Variants in ARGFX observed in about 807,000 individuals in gnomAD.
ARGFX encodes arginine-fifty homeobox.
Under a neutral mutation model 8.0 loss-of-function variants are expected in ARGFX, and 10 were observed. The observed-to-expected ratio is 1.25, with a 90% CI of 0.77 to 2.12. The LOEUF (loss-of-function observed/expected upper bound fraction) is 2.12. Among genes scored for constraint, ARGFX ranks in the 30% most tolerant of loss-of-function variants. ARGFX has a pLI of 0.00. For missense variants in ARGFX, 282 were observed against 324.3 expected (o/e 0.87, Z 1.00); for synonymous variants, 116 against 117.8 (o/e 0.98, Z 0.10).
chr3:121,572,090 T>C (rs2048712211), intron 2 of ARGFX, among the ~76,000 whole-genome samples: 1 of 151,848 alleles, frequency 6.6e-6, no homozygotes, highest in Admixed American at 6.6e-5. Flanking sequence ...CCTTGGCCTC[T>C]CAAAGTACTG....
chr3:121,584,877 A>G (rs1265990298), intron 3 of ARGFX, 40 bp from the exon 4 acceptor site: 1 of 1,585,560 alleles, frequency 6.3e-7, no homozygotes, highest in Non-Finnish European at 8.6e-7. Context: ...GAGATTGGTA[A>G]TGTAAATGTA....
rs748484565 is a variant in ARGFX at position 121,578,956 on chromosome 3, C to T, written c.220+2056C>T. The stretch of plus-strand genomic sequence containing the variant: ...CCTCCCAAAGTGCTGGAATTAAAGG[C>T]GTGAGCCACCGTGCCCGGCCTGAAA... On this transcript the variant is annotated intron_variant, in intron 3 of 4. Coordinates refer to ENST00000334384, the MANE Select transcript of ARGFX (RefSeq NM_001012659.2). 5.3e-5 allele frequency among the ~76,000 whole-genome samples: 8 copies of T among 152,012 alleles called. No homozygotes were observed. In the South Asian group the frequency reaches 8.3e-4, roughly 16 times the overall value.
At chr3:121,584,074 G>A (rs2048795922) in intron 3 of ARGFX, among the ~76,000 whole-genome samples, 1 of 152,064 alleles carries the variant, frequency 6.6e-6, no homozygotes, top group Non-Finnish European at 1.5e-5. Flanking sequence ...AGCTACTCAG[G>A]AGGATGAAGC....
intron 2 of ARGFX, among the ~76,000 whole-genome samples, chr3:121,571,556 T>A (rs922443620): frequency 1.1e-4 from 16 of 149,300 alleles, no homozygotes; most frequent in African/African-American, 3.9e-4. Flanking sequence ...AGGCTTAATA[T>A]TATTATTATT....
intron 3 of ARGFX, among the ~76,000 whole-genome samples, chr3:121,579,796 C>T (rs2048765939): frequency 6.6e-6 from 1 of 152,068 alleles, no homozygotes; most frequent in Admixed American, 6.6e-5. Flanking sequence ...AGGTGTTAGA[C>T]ACCAGCCTGG....
In ARGFX at chr3:121,590,424, G is replaced by A. The variant is rs925038041; in HGVS notation, c.*3824G>A. 3.3e-5 allele frequency among the ~76,000 whole-genome samples: 5 copies of A among 152,134 alleles called. No homozygotes were observed. The highest frequency in any genetic ancestry group is 9.6e-5 in the African/African-American group (4 of 41,524). On this transcript the variant is annotated 3_prime_UTR_variant, in exon 5 of 5. Transcript: ENST00000334384. ...GGGTTCCTGATAAAAGGATGAGTTC[G>A]GCCTTCTTCTTCCCCAAAATCTTTA...
intron 3 of ARGFX, among the ~76,000 whole-genome samples, chr3:121,579,288 G>A (rs2048763212): frequency 6.6e-6 from 1 of 152,182 alleles, no homozygotes; most frequent in South Asian, 2.1e-4. Context: ...TGAAGTATTT[G>A]TAACACAAAG....
At chr3:121,585,482 C>G (rs1282002788) in intron 4 of ARGFX, among the ~76,000 whole-genome samples, 1 of 152,168 alleles carries the variant, frequency 6.6e-6, no homozygotes, top group African/African-American at 2.4e-5. Flanking sequence ...ACCTCTGAGT[C>G]TGCTAAAGCC....
intron 3 of ARGFX, 140 bp from the exon 4 acceptor site, chr3:121,584,777 T>G (rs1216960881): frequency 3.1e-6 from 3 of 978,772 alleles, no homozygotes; most frequent in East Asian, 2.4e-5. Context: ...GGATCTGCAT[T>G]TTCTGGATCC....
intron 2 of ARGFX, among the ~76,000 whole-genome samples, chr3:121,573,675 C>G (rs1437974895): frequency 2.0e-5 from 3 of 151,012 alleles, no homozygotes; most frequent in Non-Finnish European, 2.9e-5. Flanking sequence ...ATGGAGAAAC[C>G]CTGTCTCTAC....
chr3:121,576,672 T>C, intron 2 of ARGFX, 112 bp from the exon 3 acceptor site: 1 of 331,272 alleles, frequency 3.0e-6, no homozygotes, highest in South Asian at 2.3e-5. Context: ...TTGTTCTTTC[T>C]TTCTCTTTCT....
chr3:121,576,712 T>TTTCTTTCTTTCTTTCTTTCTTTCTTTC, intron 2 of ARGFX, 72 bp from the exon 3 acceptor site: 1 of 106,192 alleles, frequency 9.4e-6, no homozygotes, highest in African/African-American at 8.4e-5. Context: ...TTTCTTTTTC[T>TTTCTTTCTTTCTTTCTTTCTTTCTTTC]TTCTTTCTTT....
At chr3:121,576,188 A>G (rs1011668261) in intron 2 of ARGFX, among the ~76,000 whole-genome samples, 2 of 151,962 alleles carry the variant, frequency 1.3e-5, no homozygotes, top group Non-Finnish European at 2.9e-5. Context: ...GGTCAAGCAG[A>G]ATGCTTTGCC....
chr3:121,580,891 T>C (rs1380550646), intron 3 of ARGFX, among the ~76,000 whole-genome samples: 2 of 152,162 alleles, frequency 1.3e-5, no homozygotes, highest in African/African-American at 4.8e-5. Flanking sequence ...ACCCACTGCT[T>C]CCTTTACTGT....
chr3:121,576,839 C>A lies in ARGFX; in HGVS notation c.159C>A (p.Ser53Arg), dbSNP rs1351939850. ...GTGGCACGGTCTCGGCTTACTGCAG[C>A]CTCAACCTCCCAGGTTCAACTGATC... Reference protein sequence around the residue: ...ECSGTVSAYCSLNLPGSTDPP... With the variant: ...ECSGTVSAYCRLNLPGSTDPP... Residue 53 changes from serine (S) to arginine (R), a missense_variant, in exon 3 of 5, where the codon AGC (serine) becomes AGA (arginine). Transcript: ENST00000334384. 1 of 415,138 alleles carries A rather than the reference C, an allele frequency of 2.4e-6. No homozygotes were observed. The highest frequency in any genetic ancestry group is 8.5e-5 in the East Asian group (1 of 11,782). The allele number at this position is 415,138 out of a possible 1,614,324, so 25.7% of individuals were successfully genotyped here.
intron 3 of ARGFX, among the ~76,000 whole-genome samples, chr3:121,578,257 A>G (rs936220706): frequency 1.3e-5 from 2 of 151,678 alleles, no homozygotes; most frequent in African/African-American, 4.8e-5. Flanking sequence ...CCTCCAGAGT[A>G]GCTGGGATTA....
In ARGFX at chr3:121,589,564, A is replaced by G. The variant is rs1272423232; in HGVS notation, c.*2964A>G. ...GCTAATTTTTGTATTTTTAGTAGGG[A>G]CAGGTTTTGCCATGTTGCCCAGGCT... On this transcript the variant is annotated 3_prime_UTR_variant, in exon 5 of 5. Transcript: ENST00000334384. Among the ~76,000 whole-genome samples, 1 of 152,030 alleles carries G rather than the reference A, an allele frequency of 6.6e-6. No individual in the cohort carries two copies. The highest frequency in any genetic ancestry group is 2.4e-5 in the African/African-American group (1 of 41,392).
chr3:121,577,259 A>ATATTTT lies in ARGFX; in HGVS notation c.220+360_220+361insATTTTT, dbSNP rs1403064031. ...TATATATATATATATATATATATATATTTTTTTTTTTTTAAATGGAGTCTC... is the reference window on the plus strand; with the variant it reads ...TATATATATATATATATATATATATATATTTTTTTTTTTTTTTTTAAATGGAGTCTC... On this transcript the variant is annotated intron_variant, in intron 3 of 4. Coordinates refer to ENST00000334384, the MANE Select transcript of ARGFX (RefSeq NM_001012659.2). 1.3e-3 allele frequency among the ~76,000 whole-genome samples: 77 copies of ATATTTT among 59,586 alleles called. 2 individuals are homozygous for ATATTTT. Among genetic ancestry groups the ATATTTT allele is most frequent in the East Asian group, 7.0e-3 (10 of 1,438 alleles). The allele number at this position is 59,586 out of a possible 152,430, so 39.1% of individuals were successfully genotyped here.
intron 3 of ARGFX, among the ~76,000 whole-genome samples, chr3:121,579,945 C>CTTTTTTTTTTTTTTTTTTTTTTTTTT (rs1174620508): frequency 2.0e-4 from 18 of 91,580 alleles, no homozygotes; most frequent in South Asian, 3.5e-4. Context: ...CTTTTCTTTT[C>CTTTTTTTTTTTTTTTTTTTTTTTTTT]TTTTTTTTTT....
Sources: gnomAD v4.1 joint callset for allele counts (sites outside exome capture counted in the v4.1 genomes callset) on GRCh38, gnomAD v4.1.1 for gene constraint, MANE v1.5 for transcripts, NCBI Gene and HGNC (gene_info 2026-07-23, HGNC 2026-07-21) for gene names.